The following SIPA1L3 variants were observed in gnomAD, a reference collection of about 807,000 sequenced individuals.
SIPA1L3 encodes signal-induced proliferation-associated 1-like protein 3.
A neutral mutation model predicts 150.1 loss-of-function variants in SIPA1L3; 59 were observed. The observed-to-expected ratio is 0.39, with a 90% CI of 0.32 to 0.49. SIPA1L3 has a LOEUF of 0.49. Ranked by LOEUF, SIPA1L3 falls within the 20% of genes least tolerant of loss-of-function variation. The pLI is 0.86. For synonymous variants in SIPA1L3, 1,070 were observed against 1,077.6 expected (o/e 0.99, Z 0.14); for missense variants, 2,211 against 2,489.5 (o/e 0.89, Z 2.38).
intron 1 of SIPA1L3, among the ~76,000 whole-genome samples, chr19:38,027,620 C>A (rs1453500175): frequency 6.6e-6 from 1 of 151,828 alleles, no homozygotes; most frequent in East Asian, 1.9e-4. Context: ...TGTGGTCTAG[C>A]CAGGTGGTCA....
In SIPA1L3 at chr19:38,106,644, A is replaced by G; in HGVS notation, c.2133+4A>G. On this transcript the variant is annotated splice_donor_region_variant and intron_variant, in intron 7 of 21. Coordinates refer to ENST00000222345, the MANE Select transcript of SIPA1L3 (RefSeq NM_015073.3). Reference sequence around the variant, plus strand: ...CACCCCCAACAACAGGCAGCAGGTCAGTGATTTTCAGCAGAGGCACGGCTG... The same window carrying G: ...CACCCCCAACAACAGGCAGCAGGTCGGTGATTTTCAGCAGAGGCACGGCTG... 1.9e-6 allele frequency: 3 copies of G among 1,600,280 alleles called. No homozygotes were observed. Among genetic ancestry groups the G allele is most frequent in the Non-Finnish European group, 2.6e-6 (3 of 1,167,496 alleles).
intron 1 of SIPA1L3, among the ~76,000 whole-genome samples, chr19:37,936,345 G>A (rs705495): frequency 0.38 from 57,580 of 152,040 alleles, 13,731 homozygotes; most frequent in East Asian, 0.71. Flanking sequence ...GAAGTGGTGG[G>A]TAAACAGAGA....
At chr19:38,165,774 G>GT (rs1469423689) in intron 15 of SIPA1L3, among the ~76,000 whole-genome samples, 1 of 152,038 alleles carries the variant, frequency 6.6e-6, no homozygotes, top group African/African-American at 2.4e-5. Flanking sequence ...TTTTTTGTTT[G>GT]TTTTTTAGAC....
At chr19:37,924,504 C>G (rs1035937236) in intron 1 of SIPA1L3, among the ~76,000 whole-genome samples, 5 of 150,544 alleles carry the variant, frequency 3.3e-5, no homozygotes, top group Non-Finnish European at 2.9e-5. Flanking sequence ...ATGGCGAAAC[C>G]CCATCTCTAC....
chr19:38,158,478 G>A (rs944478782), intron 13 of SIPA1L3, among the ~76,000 whole-genome samples: 11 of 152,232 alleles, frequency 7.2e-5, no homozygotes, highest in East Asian at 1.9e-4. Flanking sequence ...CTTGGGCCAC[G>A]GGGAGGCGGT....
Position 38,208,337 on chromosome 19 carries a change from G to C in SIPA1L3, c.*2097G>C, listed in dbSNP as rs762688979. 1 of 151,166 alleles carries C rather than the reference G, an allele frequency of 6.6e-6. No homozygotes were observed. The allele number at this position is 151,166 out of a possible 1,614,324, so 9.4% of individuals were successfully genotyped here. A position where few individuals can be genotyped will look rare whatever the true frequency, so the allele number is the denominator to read the frequency against. ...CTTGAGATTTTCTGGCATGTTTCTG[G>C]AGGTTTCAAAGGAAATAAAGGTTTC... On this transcript the variant is annotated 3_prime_UTR_variant, in exon 22 of 22. Transcript: ENST00000222345.
At chr19:37,919,036 T>G (rs1445423163) in intron 1 of SIPA1L3, among the ~76,000 whole-genome samples, 1 of 152,076 alleles carries the variant, frequency 6.6e-6, no homozygotes, top group Non-Finnish European at 1.5e-5. Flanking sequence ...AGCTTGTGAA[T>G]GTGTCTTACC....
In SIPA1L3 at chr19:37,974,582, G is replaced by T. The variant is rs199664441; in HGVS notation, c.-378-54507G>T. Among the ~76,000 whole-genome samples, 13 of 152,252 alleles carry T rather than the reference G, an allele frequency of 8.5e-5. No individual in the cohort carries two copies. The East Asian group carries it at 1.2e-3, about 14-fold the overall frequency. ...TGAACAGAGAGTCTGGTTCTAGCCGGTACTGTCATGAGGGCAGAGGGTGAG... is the reference window on the plus strand; with the variant it reads ...TGAACAGAGAGTCTGGTTCTAGCCGTTACTGTCATGAGGGCAGAGGGTGAG... On this transcript the variant is annotated intron_variant, in intron 1 of 21. Coordinates refer to ENST00000222345, the MANE Select transcript of SIPA1L3 (RefSeq NM_015073.3).
chr19:37,913,308 A>T (rs1267060676), intron 1 of SIPA1L3, among the ~76,000 whole-genome samples: 1 of 152,116 alleles, frequency 6.6e-6, no homozygotes, highest in Non-Finnish European at 1.5e-5. Context: ...TATCCTAGGC[A>T]CTGAGGATTC....
chr19:38,113,431 C>G (rs2145883229), intron 8 of SIPA1L3, among the ~76,000 whole-genome samples: 2 of 152,170 alleles, frequency 1.3e-5, no homozygotes, highest in South Asian at 2.1e-4. Flanking sequence ...AGTTCAAGAT[C>G]AGCCTGGACA....
intron 16 of SIPA1L3, among the ~76,000 whole-genome samples, chr19:38,188,576 T>C (rs890488435): frequency 6.6e-6 from 1 of 152,006 alleles, no homozygotes; most frequent in African/African-American, 2.4e-5. Context: ...TTTTGAAAGA[T>C]AAAACATGCA....
rs540534708 is a variant in SIPA1L3, at chr19:38,152,726, G to A, written c.3534-114G>A. 3.5e-5 allele frequency: 40 copies of A among 1,135,886 alleles called. No individual in the cohort carries two copies. In the African/African-American group the frequency reaches 4.2e-4, roughly 12 times the overall value. 70.4% of individuals were successfully genotyped at this position (1,135,886 alleles called of 1,614,324 possible). On this transcript the variant is annotated intron_variant, in intron 12 of 21. Coordinates refer to ENST00000222345, the MANE Select transcript of SIPA1L3 (RefSeq NM_015073.3). Reference sequence around the variant, plus strand: ...CTAACCGCTTTCTCTCATCCACAGCGGAGCCTCCCGTGTGTCTAAAACCCA... The same window carrying A: ...CTAACCGCTTTCTCTCATCCACAGCAGAGCCTCCCGTGTGTCTAAAACCCA...
chr19:37,974,035 G>A (rs1378988076), intron 1 of SIPA1L3, among the ~76,000 whole-genome samples: 1 of 152,164 alleles, frequency 6.6e-6, no homozygotes, highest in Non-Finnish European at 1.5e-5. Flanking sequence ...GAGGCAAAGT[G>A]ACTTCCCCAT....
At chr19:38,168,464 AAAAAAAT>A (rs1353376434) in intron 15 of SIPA1L3, among the ~76,000 whole-genome samples, 3 of 152,084 alleles carry the variant, frequency 2.0e-5, no homozygotes, top group Admixed American at 2.0e-4. Context: ...ACTCTGTCTC[AAAAAAAT>A]AAAAAATAAA....
At chr19:37,935,687 G>T (rs900685922) in intron 1 of SIPA1L3, among the ~76,000 whole-genome samples, 1 of 152,192 alleles carries the variant, frequency 6.6e-6, no homozygotes, top group Non-Finnish European at 1.5e-5. Flanking sequence ...TCTGTCCATA[G>T]TCTTGGGACC....
chr19:38,141,496 G>A (rs1198175107), intron 11 of SIPA1L3, 61 bp downstream of exon 11: 15 of 1,516,798 alleles, frequency 9.9e-6, no homozygotes, highest in East Asian at 2.3e-5. Flanking sequence ...CCCATCCTCC[G>A]CCCCTCCCTC....
chr19:38,206,442 G>A lies in SIPA1L3; in HGVS notation c.*202G>A, dbSNP rs920587719. 6.7e-6 allele frequency: 4 copies of A among 597,174 alleles called. No homozygotes were observed. The highest frequency in any genetic ancestry group is 1.9e-5 in the African/African-American group (1 of 52,422). 37.0% of individuals were successfully genotyped at this position (597,174 alleles called of 1,614,324 possible). On this transcript the variant is annotated 3_prime_UTR_variant, in exon 22 of 22. Transcript: ENST00000222345. The stretch of plus-strand genomic sequence containing the variant: ...CAGCCCTCATGCCCCAGAGGGCGAA[G>A]TGGTCTCAGGCCTCCCTCCAAGCTG...
intron 1 of SIPA1L3, among the ~76,000 whole-genome samples, chr19:37,996,262 G>C (rs1323196790): frequency 2.0e-5 from 3 of 152,152 alleles, no homozygotes; most frequent in African/African-American, 7.2e-5. Context: ...GTCTTGCTCT[G>C]TTACCCAGGC....
chr19:37,924,046 T>A (rs2046480020), intron 1 of SIPA1L3, among the ~76,000 whole-genome samples: 1 of 152,208 alleles, frequency 6.6e-6, no homozygotes, highest in Non-Finnish European at 1.5e-5. Context: ...AGTGCTGGGA[T>A]TATAGGCATG....
Sources: gnomAD v4.1 joint callset for allele counts (sites outside exome capture counted in the v4.1 genomes callset) on GRCh38, gnomAD v4.1.1 for gene constraint, MANE v1.5 for transcripts, NCBI Gene and HGNC (gene_info 2026-07-23, HGNC 2026-07-21) for gene names.